The following VDAC2 variants were observed in gnomAD, a reference collection of about 807,000 sequenced individuals.
VDAC2 encodes non-selective voltage-gated ion channel VDAC2.
Under a neutral mutation model 36.6 loss-of-function variants are expected in VDAC2, and 6 were observed. That is an observed-to-expected ratio of 0.16 (90% CI 0.09 to 0.32). VDAC2 has a LOEUF of 0.32. VDAC2 is among the 10% of genes least tolerant of loss of function. The pLI is 1.00. For synonymous variants in VDAC2, 109 were observed against 123.8 expected (o/e 0.88, Z 0.79); for missense variants, 247 against 346.0 (o/e 0.71, Z 2.27).
rs188779832 is a variant in VDAC2 at position 75,211,093 on chromosome 10, C to T, written c.-25-41C>T. 1.2e-4 allele frequency: 190 copies of T among 1,567,454 alleles called. 2 individuals carry two copies. The East Asian group carries it at 2.1e-3, about 18-fold the overall frequency. ...TCTCTGCCCGGGATCTCCCTTTGGCCCTTTGACCCCAGCTTACCGCACTTC... is the reference window on the plus strand; with the variant it reads ...TCTCTGCCCGGGATCTCCCTTTGGCTCTTTGACCCCAGCTTACCGCACTTC... On this transcript the variant is annotated intron_variant, in intron 1 of 9. Coordinates refer to ENST00000332211, the MANE Select transcript of VDAC2 (RefSeq NM_001391963.1).
chr10:75,211,199 G>A lies in VDAC2; in HGVS notation c.31+10G>A. 1 of 1,612,946 alleles carries A rather than the reference G, an allele frequency of 6.2e-7. No homozygotes were observed. Among genetic ancestry groups the A allele is most frequent in the Non-Finnish European group, 8.5e-7 (1 of 1,179,542 alleles). ...CAGACTTGCGCGCGTCGTAAGTAAA[G>A]CTGGGATCTCTGCGGGATGGGGCGG... is the stretch of plus-strand genomic sequence containing the variant. On this transcript the variant is annotated intron_variant, in intron 2 of 9. Transcript: ENST00000332211.
chr10:75,219,008 G>A, intron 4 of VDAC2, 55 bp from the exon 5 acceptor site: 13 of 1,557,992 alleles, frequency 8.3e-6, no homozygotes, highest in Non-Finnish European at 1.1e-5. Context: ...GTGTAAGGCA[G>A]TGATGAATTC....
chr10:75,211,861 A>G (rs188603740), intron 2 of VDAC2, among the ~76,000 whole-genome samples: 35 of 152,354 alleles, frequency 2.3e-4, no homozygotes, highest in African/African-American at 7.5e-4. Context: ...GGTTTTATCT[A>G]ATTTAGTTAA....
At chr10:75,216,465 T>C (rs1841608752) in intron 4 of VDAC2, among the ~76,000 whole-genome samples, 1 of 152,224 alleles carries the variant, frequency 6.6e-6, no homozygotes. Context: ...TTATTCACAT[T>C]TAATACATGT....
chr10:75,213,932 CTTTTTGT>C (rs1841515684), intron 3 of VDAC2, 82 bp from the exon 4 acceptor site: 10 of 1,269,114 alleles, frequency 7.9e-6, no homozygotes, highest in Non-Finnish European at 1.1e-5. Context: ...TATGTGGAAT[CTTTTTGT>C]TTTTTATGTA....
intron 8 of VDAC2, among the ~76,000 whole-genome samples, chr10:75,227,115 C>T (rs1841976339): frequency 6.6e-6 from 1 of 152,158 alleles, no homozygotes; most frequent in Non-Finnish European, 1.5e-5. Flanking sequence ...TTCAAGACCT[C>T]ACCTATAAAG....
At chr10:75,227,156 C>T (rs1232454299) in intron 8 of VDAC2, among the ~76,000 whole-genome samples, 1 of 152,158 alleles carries the variant, frequency 6.6e-6, no homozygotes, top group East Asian at 1.9e-4. Context: ...TTTCATCTGG[C>T]TGTTCATTTA....
rs1842052069 is a variant in VDAC2 at position 75,229,702 on chromosome 10, G to T, written c.793+1G>T. 6.3e-7 allele frequency: 1 copy of T among 1,596,632 alleles called. No homozygotes were observed. Among genetic ancestry groups the T allele is most frequent in the South Asian group, 1.2e-5 (1 of 86,766 alleles). On this transcript the variant is annotated splice_donor_variant, in intron 9 of 9. Transcript: ENST00000332211. LOFTEE classifies it high-confidence loss of function. ...GGCTATACTCAGACTCTGAGGCCTG[G>T]TAAGTATTCTTGATAAAGTAGGATT...
chr10:75,212,743 A>T (rs1841465512), intron 3 of VDAC2, among the ~76,000 whole-genome samples: 1 of 152,164 alleles, frequency 6.6e-6, no homozygotes, highest in Non-Finnish European at 1.5e-5. Context: ...GATTAAACTT[A>T]TGTGAAAATA....
chr10:75,229,538 AC>A, intron 8 of VDAC2, 105 bp from the exon 9 acceptor site: 1 of 820,788 alleles, frequency 1.2e-6, no homozygotes, highest in East Asian at 2.7e-5. Context: ...TTATTGTCTC[AC>A]GTGAATAAAA....
chr10:75,211,838 A>T (rs1245017376), intron 2 of VDAC2, among the ~76,000 whole-genome samples: 1 of 152,222 alleles, frequency 6.6e-6, no homozygotes, highest in Non-Finnish European at 1.5e-5. Context: ...TAAAGGGCCT[A>T]GTCTTAGGTT....
chr10:75,211,464 G>C, intron 2 of VDAC2: 2 of 1,503,638 alleles, frequency 1.3e-6, no homozygotes, highest in South Asian at 2.6e-5. Context: ...TTGTTAATTG[G>C]GGATTCTGCC....
In VDAC2 at chr10:75,212,271, G is replaced by A. The variant is rs867799217; in HGVS notation, c.73G>A (p.Ala25Thr). 1 of 1,613,370 alleles carries A rather than the reference G, an allele frequency of 6.2e-7. No individual in the cohort carries two copies. The highest frequency in any genetic ancestry group is 1.7e-4 in the Middle Eastern group (1 of 6,040). The change falls in exon 3 of 10, where the codon GCC becomes ACC. Residue 25 changes from alanine to threonine, a missense_variant. Ala to Thr is a moderately conservative substitution (Grantham distance 58, BLOSUM62 0). Transcript: ENST00000332211. The stretch of plus-strand genomic sequence containing the variant: ...ATCATATGCTGACCTTGGCAAAGCT[G>A]CCAGAGATATTTTCAACAAAGGATT... ...PPSYADLGKA[A>T]RDIFNKGFGF...
At chr10:75,211,062 C>G (rs1841399534) in intron 1 of VDAC2, 72 bp from the exon 2 acceptor site, 2 of 1,412,522 alleles carry the variant, frequency 1.4e-6, no homozygotes, top group Non-Finnish European at 1.9e-6. Flanking sequence ...CGCGGCCCCT[C>G]GCCCCTCTCT....
At position 75,214,086 on chromosome 10, in the gene VDAC2, G is replaced by C. The variant is rs1417395061; in HGVS notation, c.150+16G>C. The C allele has an allele frequency of 6.2e-7, 1 of 1,611,226 alleles. No individual in the cohort carries two copies. Among genetic ancestry groups the C allele is most frequent in the East Asian group, 2.2e-5 (1 of 44,786 alleles). On this transcript the variant is annotated intron_variant, in intron 4 of 9. Transcript: ENST00000332211. ...CAGTGGCGTGGTGAGTGTTACTGTT[G>C]AATAAGTTCTATTGAACCTTTATAA...
intron 3 of VDAC2, among the ~76,000 whole-genome samples, chr10:75,213,049 C>T (rs755746443): frequency 1.5e-4 from 23 of 152,160 alleles, no homozygotes; most frequent in Non-Finnish European, 2.5e-4. Context: ...GCATAAATGT[C>T]CTAAATGTCT....
rs1472605637 is a variant in VDAC2 at position 75,211,265 on chromosome 10, C to G, written c.31+76C>G. 3 of 1,565,406 alleles carry G rather than the reference C, an allele frequency of 1.9e-6. No homozygotes were observed. The African/African-American group carries it at 4.1e-5, about 21-fold the overall frequency. ...TGTCGACCAGAAACCCAGTTTGTTT[C>G]CCCCTATCTTTCCAAGAACTTGGAA... On this transcript the variant is annotated intron_variant, in intron 2 of 9. Coordinates refer to ENST00000332211, the MANE Select transcript of VDAC2 (RefSeq NM_001391963.1).
At chr10:75,213,907 T>G in intron 3 of VDAC2, 114 bp from the exon 4 acceptor site, 1 of 1,006,796 alleles carries the variant, frequency 9.9e-7, no homozygotes, top group Non-Finnish European at 1.5e-6. Context: ...TAACACATTT[T>G]TATCCACCTC....
chr10:75,213,452 A>T (rs939287212), intron 3 of VDAC2, among the ~76,000 whole-genome samples: 2 of 152,162 alleles, frequency 1.3e-5, no homozygotes, highest in Non-Finnish European at 2.9e-5. Context: ...TAAGTTTAAG[A>T]ATAGTTTGGG....
Sources: gnomAD v4.1 joint callset for allele counts (sites outside exome capture counted in the v4.1 genomes callset) on GRCh38, gnomAD v4.1.1 for gene constraint, MANE v1.5 for transcripts, NCBI Gene and HGNC (gene_info 2026-07-23, HGNC 2026-07-21) for gene names.